The following CMIP variants were observed in gnomAD, a reference collection of about 807,000 sequenced individuals.
CMIP encodes the protein C-Maf-inducing protein.
A neutral mutation model predicts 97.3 loss-of-function variants in CMIP; 13 were observed. The observed-to-expected ratio is 0.13, with a 90% confidence interval of 0.09 to 0.21. The LOEUF (loss-of-function observed/expected upper bound fraction) is 0.21. Among genes scored for constraint, CMIP ranks in the 10% least tolerant of loss-of-function variants. CMIP has a pLI of 1.00. For missense variants in CMIP, 847 were observed against 1,024.9 expected, an observed-to-expected ratio of 0.83 and a Z score of 2.37; for synonymous variants, 538 against 436.3, an observed-to-expected ratio of 1.23 and a Z score of -2.91.
chr16:81,629,744 C>T (rs537105809), intron 3 of CMIP, among the ~76,000 whole-genome samples: 2 of 152,344 alleles, frequency 1.3e-5, no homozygotes, highest in African/African-American at 4.8e-5. Context: ...ATCCCAGTGC[C>T]GTGCCACAGC....
chr16:81,453,434 G>A lies in CMIP; in HGVS notation c.300+7893G>A, dbSNP rs1906357249. Among the ~76,000 whole-genome samples the A allele has an allele frequency of 6.6e-6, 1 of 152,218 alleles. No individual in the cohort carries two copies. Among genetic ancestry groups the A allele is most frequent in the African/African-American group, 2.4e-5 (1 of 41,442 alleles). ...GGAGAAGGAAGATCACACCGGGACTGCTGCTAGCTTCTCTGGGTGTCCTGG... is the reference window on the plus strand; with the variant it reads ...GGAGAAGGAAGATCACACCGGGACTACTGCTAGCTTCTCTGGGTGTCCTGG... On this transcript the variant is annotated intron_variant, in intron 1 of 20. Transcript: ENST00000537098. The surrounding 1 kb of genome is among the most constrained non-coding windows in gnomAD (Gnocchi z 4.0).
chr16:81,472,665 C>T (rs1907630468), intron 1 of CMIP, among the ~76,000 whole-genome samples: 2 of 152,202 alleles, frequency 1.3e-5, no homozygotes, highest in South Asian at 2.1e-4. Flanking sequence ...GGTGCTAGGA[C>T]AGTAGAGGGG....
intron 1 of CMIP, among the ~76,000 whole-genome samples, chr16:81,554,176 A>C (rs1295032882): frequency 6.6e-6 from 1 of 152,250 alleles, no homozygotes; most frequent in African/African-American, 2.4e-5. Context: ...AGTGCCTGAT[A>C]AATGTATGTT....
chr16:81,489,059 C>G (rs1204992499), intron 1 of CMIP, among the ~76,000 whole-genome samples: 1 of 150,700 alleles, frequency 6.6e-6, no homozygotes, highest in East Asian at 1.9e-4. Flanking sequence ...ATTCATTTTT[C>G]AGTTTGATTG....
chr16:81,459,657 C>T (rs1906784596), intron 1 of CMIP, among the ~76,000 whole-genome samples: 1 of 152,254 alleles, frequency 6.6e-6, no homozygotes, highest in Admixed American at 6.5e-5. Flanking sequence ...TGCACTGCCT[C>T]TGACTGGTGG....
intron 9 of CMIP, among the ~76,000 whole-genome samples, chr16:81,675,801 C>G (rs1438818876): frequency 1.3e-5 from 2 of 152,180 alleles, no homozygotes; most frequent in African/African-American, 2.4e-5. Context: ...CTCAAACCTC[C>G]TGGTGCCTGG....
chr16:81,562,169 T>C (rs2090895833), intron 1 of CMIP, among the ~76,000 whole-genome samples: 2 of 152,198 alleles, frequency 1.3e-5, no homozygotes, highest in South Asian at 4.1e-4. Context: ...CAGCCAACCG[T>C]TGTAAGTTAC....
intron 1 of CMIP, among the ~76,000 whole-genome samples, chr16:81,588,730 G>A (rs763097182): frequency 1.3e-5 from 2 of 152,152 alleles, no homozygotes; most frequent in Admixed American, 6.5e-5. Context: ...AGGAGACCCT[G>A]TGAAAGCCGG....
In CMIP at chr16:81,557,407, C is replaced by T. The variant is rs184725378; in HGVS notation, c.301-50160C>T. On this transcript the variant is annotated intron_variant, in intron 1 of 20. Transcript: ENST00000537098. ...TCACTTATTACTGTGTACTTACCATCTTGTTGGCAGCCTCTTCGTTCTTTT... is the reference window on the plus strand; with the variant it reads ...TCACTTATTACTGTGTACTTACCATTTTGTTGGCAGCCTCTTCGTTCTTTT... Among the ~76,000 whole-genome samples, 60 of 152,248 alleles carry T rather than the reference C, an allele frequency of 3.9e-4. 1 individual carries two copies. The highest frequency in any genetic ancestry group is 1.4e-3 in the African/African-American group (57 of 41,552).
At chr16:81,680,263 T>C (rs1175405539) in intron 10 of CMIP, among the ~76,000 whole-genome samples, 2 of 152,176 alleles carry the variant, frequency 1.3e-5, no homozygotes, top group Non-Finnish European at 2.9e-5. Context: ...CATTCTGTCA[T>C]GTATGTGTTG....
intron 2 of CMIP, chr16:81,618,971 A>C (rs2091957957): frequency 6.6e-6 from 1 of 152,232 alleles, no homozygotes; most frequent in African/African-American, 2.4e-5. Flanking sequence ...GGCAGTGCTG[A>C]TGGGAGGGAG....
chr16:81,652,927 AG>A lies in CMIP; in HGVS notation c.639+565del, dbSNP rs1358008719. On this transcript the variant is annotated intron_variant, in intron 4 of 20. Coordinates refer to ENST00000537098, the MANE Select transcript of CMIP (RefSeq NM_198390.3). This position sits in a 1 kb window ranked among gnomAD's most constrained non-coding sequence, Gnocchi z 5.2. ...GCATATTGAATGTGTGCTTTGTGCC[AG>A]GCACCATCTGGGAATTCAAGCAAAG... Among the ~76,000 whole-genome samples, 1 of 152,072 alleles carries A rather than the reference AG, an allele frequency of 6.6e-6. No individual in the cohort carries two copies. Among genetic ancestry groups the A allele is most frequent in the Non-Finnish European group, 1.5e-5 (1 of 68,016 alleles).
At chr16:81,704,705 C>G (rs540150692) in intron 18 of CMIP, among the ~76,000 whole-genome samples, 1 of 119,564 alleles carries the variant, frequency 8.4e-6, no homozygotes, top group Non-Finnish European at 1.8e-5. Flanking sequence ...CCCCGTCACC[C>G]TCCTCCCTGC....
chr16:81,551,922 C>G (rs985896626), intron 1 of CMIP, among the ~76,000 whole-genome samples: 5 of 152,228 alleles, frequency 3.3e-5, no homozygotes, highest in African/African-American at 9.6e-5. Context: ...CTTGAAACAA[C>G]TTTGTTCTTG....
chr16:81,552,051 C>G (rs2090669856), intron 1 of CMIP, among the ~76,000 whole-genome samples: 1 of 152,118 alleles, frequency 6.6e-6, no homozygotes, highest in Admixed American at 6.5e-5. Flanking sequence ...ACTGGGGAGC[C>G]CAGCGCTGGC....
At chr16:81,470,842 T>G (rs918659075) in intron 1 of CMIP, among the ~76,000 whole-genome samples, 17 of 152,268 alleles carry the variant, frequency 1.1e-4, no homozygotes, top group Non-Finnish European at 5.9e-5. Flanking sequence ...CTTCCTCATG[T>G]GATCTCTTCG....
At chr16:81,599,991 A>C (rs2091630465) in intron 1 of CMIP, among the ~76,000 whole-genome samples, 1 of 152,124 alleles carries the variant, frequency 6.6e-6, no homozygotes, top group Non-Finnish European at 1.5e-5. Flanking sequence ...TCATTAAAAA[A>C]AGATATATGG....
At chr16:81,513,736 A>G (rs1302216821) in intron 1 of CMIP, among the ~76,000 whole-genome samples, 2 of 152,370 alleles carry the variant, frequency 1.3e-5, no homozygotes, top group South Asian at 2.1e-4. Flanking sequence ...CCGTTTTGCA[A>G]GGGACACAGG....
chr16:81,680,392 G>A (rs1376591963), intron 10 of CMIP, among the ~76,000 whole-genome samples: 2 of 152,234 alleles, frequency 1.3e-5, no homozygotes, highest in African/African-American at 4.8e-5. Context: ...TGCTAGCAAG[G>A]CCTGTGGTGT....
Sources: allele counts gnomAD v4.1 joint callset (sites outside exome capture counted in the v4.1 genomes callset), GRCh38; gene constraint gnomAD v4.1.1; non-coding constraint Gnocchi (gnomAD v3.1); transcripts MANE v1.5; gene names NCBI Gene and HGNC (gene_info 2026-07-23, HGNC 2026-07-21).